RCSD1: variants seen among roughly 807,000 people sequenced by gnomAD.
RCSD1 encodes the protein RCSD domain containing 1, also known as capZ-interacting protein.
Under a neutral mutation model 42.5 loss-of-function variants are expected in RCSD1, and 26 were observed. The observed-to-expected ratio is 0.61, with a 90% CI of 0.45 to 0.85. RCSD1 has a LOEUF of 0.85. Among genes scored for constraint, RCSD1 ranks in the 40% least tolerant of loss-of-function variants. RCSD1 has a pLI of 0.00. For missense variants in RCSD1, 571 were observed against 528.3 expected (o/e 1.08, Z -0.79); for synonymous variants, 220 against 212.2 (o/e 1.04, Z -0.32).
chr1:167,695,669 C>T (rs1470778281), intron 5 of RCSD1, among the ~76,000 whole-genome samples: 1 of 151,826 alleles, frequency 6.6e-6, no homozygotes, highest in Non-Finnish European at 1.5e-5. Flanking sequence ...GGACTACAGG[C>T]ATGCACCACC....
chr1:167,701,317 T>C (rs1033778384), intron 6 of RCSD1, among the ~76,000 whole-genome samples: 3 of 142,308 alleles, frequency 2.1e-5, no homozygotes, highest in Non-Finnish European at 3.1e-5. Flanking sequence ...TCTTTCTTTC[T>C]TTTTTTTAGA....
intron 1 of RCSD1, among the ~76,000 whole-genome samples, chr1:167,660,787 G>T (rs1658524825): frequency 6.6e-6 from 1 of 152,046 alleles, no homozygotes; most frequent in Admixed American, 6.5e-5. Flanking sequence ...ATTCACTCTT[G>T]CATTTGATAT....
chr1:167,689,938 A>G, intron 3 of RCSD1, 111 bp from the exon 4 acceptor site: 1 of 989,054 alleles, frequency 1.0e-6, no homozygotes. Context: ...CTAATGAGAA[A>G]GTGGCAACAC....
chr1:167,685,503 G>T lies in RCSD1; in HGVS notation c.191G>T (p.Gly64Val), dbSNP rs147057224. Residue 64 changes from glycine (G) to valine (V), a missense_variant, in exon 3 of 7, where the codon GGT (glycine) becomes GTT (valine). Coordinates refer to ENST00000367854, the MANE Select transcript of RCSD1 (RefSeq NM_052862.4). ...FPPKVDLGQN[G>V]EEKSPPNASH... Reference sequence around the variant, plus strand: ...CCCAAGGTAGACCTGGGCCAGAATGGTGAGGAGGTAAGTGCTGCTGTTGGG... The same window carrying T: ...CCCAAGGTAGACCTGGGCCAGAATGTTGAGGAGGTAAGTGCTGCTGTTGGG... The T allele has an allele frequency of 6.8e-6, 11 of 1,613,598 alleles. No individual in the cohort carries two copies. Among genetic ancestry groups the T allele is most frequent in the African/African-American group, 1.3e-5 (1 of 74,892 alleles).
intron 3 of RCSD1, among the ~76,000 whole-genome samples, chr1:167,686,575 A>G (rs1320087622): frequency 6.6e-6 from 1 of 152,216 alleles, no homozygotes; most frequent in East Asian, 1.9e-4. Flanking sequence ...TGCTCTCAGA[A>G]TACTCTCTCC....
Position 167,705,850 on chromosome 1 carries a change from C to T in RCSD1, c.*1154C>T, listed in dbSNP as rs1659746226. ...GACTACCCAGTCTTTGACTTGTATC[C>T]TCTCCCCTCTTCATACACTCCTGCT... On this transcript the variant is annotated 3_prime_UTR_variant, in exon 7 of 7. Transcript: ENST00000367854. The T allele has an allele frequency of 6.6e-6, 1 of 152,156 alleles. No individual in the cohort carries two copies. The highest frequency in any genetic ancestry group is 6.5e-5 in the Admixed American group (1 of 15,274). The allele number at this position is 152,156 out of a possible 1,614,324, so 9.4% of individuals were successfully genotyped here.
At chr1:167,683,483 C>T (rs1659133914) in intron 1 of RCSD1, among the ~76,000 whole-genome samples, 1 of 152,198 alleles carries the variant, frequency 6.6e-6, no homozygotes, top group African/African-American at 2.4e-5. Flanking sequence ...AAGTAGGGAA[C>T]AAAAGACACA....
chr1:167,649,692 G>A lies in RCSD1; in HGVS notation c.6+19263G>A, dbSNP rs532314712. Among the ~76,000 whole-genome samples, 14 of 152,306 alleles carry A rather than the reference G, an allele frequency of 9.2e-5. No individual in the cohort carries two copies. The South Asian group carries it at 2.3e-3, about 25-fold the overall frequency. ...AAAGCTGGGCTTCAGAAGGGACTGT[G>A]AGGGCAGAGAAAGAGAAAAGGAGTT... On this transcript the variant is annotated intron_variant, in intron 1 of 6. Coordinates refer to ENST00000367854, the MANE Select transcript of RCSD1 (RefSeq NM_052862.4).
intron 1 of RCSD1, among the ~76,000 whole-genome samples, chr1:167,680,827 A>T (rs1659064605): frequency 6.6e-6 from 1 of 152,240 alleles, no homozygotes; most frequent in Non-Finnish European, 1.5e-5. Context: ...CATCACAGGA[A>T]CAGAGAAAGA....
intron 1 of RCSD1, among the ~76,000 whole-genome samples, chr1:167,669,602 C>G (rs1001323897): frequency 2.6e-5 from 4 of 152,248 alleles, no homozygotes; most frequent in East Asian, 3.8e-4. Flanking sequence ...TTAACCAAGA[C>G]TGTGCATGCA....
chr1:167,644,810 T>A (rs1658094429), intron 1 of RCSD1, among the ~76,000 whole-genome samples: 1 of 152,236 alleles, frequency 6.6e-6, no homozygotes. Flanking sequence ...AGTAAGAGGC[T>A]AAGCATTCAG....
intron 1 of RCSD1, among the ~76,000 whole-genome samples, chr1:167,662,088 T>C (rs1397292240): frequency 1.3e-5 from 2 of 152,136 alleles, no homozygotes; most frequent in African/African-American, 4.8e-5. Flanking sequence ...TCCAAAAGCT[T>C]CCCTAGATGA....
chr1:167,680,812 A>G (rs1659064193), intron 1 of RCSD1, among the ~76,000 whole-genome samples: 1 of 152,204 alleles, frequency 6.6e-6, no homozygotes, highest in Non-Finnish European at 1.5e-5. Context: ...TAAGTACTTT[A>G]TGGACATCAC....
At chr1:167,649,482 C>T (rs1481600907) in intron 1 of RCSD1, among the ~76,000 whole-genome samples, 1 of 152,210 alleles carries the variant, frequency 6.6e-6, no homozygotes, top group Non-Finnish European at 1.5e-5. Flanking sequence ...GGTGTTACAG[C>T]TCTCAAAAAC....
intron 1 of RCSD1, among the ~76,000 whole-genome samples, chr1:167,661,765 CAA>C (rs1475698267): frequency 6.6e-6 from 1 of 152,162 alleles, no homozygotes; most frequent in African/African-American, 2.4e-5. Flanking sequence ...GGCCAGTATC[CAA>C]AAAGAGATTC....
At chr1:167,691,834 G>A (rs540745328) in intron 4 of RCSD1, among the ~76,000 whole-genome samples, 40 of 152,272 alleles carry the variant, frequency 2.6e-4, no homozygotes, top group African/African-American at 9.1e-4. Flanking sequence ...GGAATAGGGT[G>A]GTGCTACCTG....
Position 167,630,282 on chromosome 1 carries a change from C to G in RCSD1, c.-142C>G. On this transcript the variant is annotated 5_prime_UTR_variant, in exon 1 of 7. Transcript: ENST00000367854. ...GGGCAGTCCCGCAGCCGAGCGCAGC[C>G]GGGCGCGCGCCACCGCCCACTCGCC... is the stretch of plus-strand genomic sequence containing the variant. 2.2e-6 allele frequency: 2 copies of G among 926,746 alleles called. No individual in the cohort carries two copies. The highest frequency in any genetic ancestry group is 2.8e-6 in the Non-Finnish European group (2 of 704,292). 57.4% of individuals were successfully genotyped at this position (926,746 alleles called of 1,614,324 possible).
rs12061176 is a variant in RCSD1 at position 167,682,370 on chromosome 1, C to T, written c.7-1530C>T. Among the ~76,000 whole-genome samples the T allele has an allele frequency of 2.9e-3, 444 of 152,170 alleles. 3 individuals are homozygous for T. The highest frequency in any genetic ancestry group is 0.01 in the African/African-American group (425 of 41,530). ...TTTTAGTAGAGATGGGGTTTCACCA[C>T]GTTGGCTAGACTGGTCTCGAACTTC... On this transcript the variant is annotated intron_variant, in intron 1 of 6. Transcript: ENST00000367854.
chr1:167,694,330 T>C, intron 5 of RCSD1, 28 bp downstream of exon 5: 1 of 1,601,702 alleles, frequency 6.2e-7, no homozygotes, highest in African/African-American at 1.3e-5. Context: ...ATTATGGCGG[T>C]GTGTCTGTGG....
Sources: gnomAD v4.1 joint callset for allele counts (sites outside exome capture counted in the v4.1 genomes callset) on GRCh38, gnomAD v4.1.1 for gene constraint, MANE v1.5 for transcripts, NCBI Gene and HGNC (gene_info 2026-07-23, HGNC 2026-07-21) for gene names.